The following YIPF7 variants were observed in gnomAD, a reference collection of about 807,000 sequenced individuals.
YIPF7 encodes protein YIPF7.
A neutral mutation model predicts 27.2 loss-of-function variants in YIPF7; 35 were observed. The ratio of observed to expected loss-of-function variants is 1.29; its 90% CI spans 0.98 to 1.70. YIPF7 has a LOEUF of 1.70. Ranked by LOEUF, YIPF7 falls within the 40% of genes most tolerant of loss-of-function variation. The pLI, the probability that YIPF7 is intolerant of heterozygous loss-of-function variation, is 0.00. For missense variants in YIPF7, 358 were observed against 303.7 expected (o/e 1.18, Z -1.33); for synonymous variants, 137 against 110.4 (o/e 1.24, Z -1.51).
upstream of YIPF7, among the ~76,000 whole-genome samples, chr4:44,655,292 A>T (rs746093046): frequency 1.3e-5 from 2 of 152,064 alleles, no homozygotes; most frequent in African/African-American, 4.8e-5. Flanking sequence ...TCATCACTGC[A>T]GTCCTCTGAT....
chr4:44,623,334 C>G (rs541830068), intron 5 of YIPF7, among the ~76,000 whole-genome samples: 11 of 152,236 alleles, frequency 7.2e-5, no homozygotes, highest in African/African-American at 2.4e-4. Context: ...GACATAAGAG[C>G]TGGGAGAAAT....
At chr4:44,625,143 A>G (rs900557528) in intron 4 of YIPF7, among the ~76,000 whole-genome samples, 1 of 152,220 alleles carries the variant, frequency 6.6e-6, no homozygotes, top group Non-Finnish European at 1.5e-5. Context: ...GGAATAAAAA[A>G]TCCAATTTTA....
At chr4:44,636,286 A>G (rs964916322) in intron 2 of YIPF7, among the ~76,000 whole-genome samples, 1 of 152,174 alleles carries the variant, frequency 6.6e-6, no homozygotes, top group Non-Finnish European at 1.5e-5. Flanking sequence ...AAAATAATCC[A>G]CGCCAATAAA....
At chr4:44,624,803 AAC>A in intron 4 of YIPF7, 21 bp from the exon 5 acceptor site, 3 of 1,590,708 alleles carry the variant, frequency 1.9e-6, no homozygotes, top group Non-Finnish European at 2.6e-6. Flanking sequence ...GTGAAGAAAA[AAC>A]AGTTTGAACA....
intron 5 of YIPF7, among the ~76,000 whole-genome samples, chr4:44,623,669 A>G (rs1577730763): frequency 6.6e-6 from 1 of 152,352 alleles, no homozygotes; most frequent in African/African-American, 2.4e-5. Context: ...GATTTAAATA[A>G]AACCTATTAG....
intron 2 of YIPF7, among the ~76,000 whole-genome samples, chr4:44,657,542 G>C (rs1713932002): frequency 6.6e-6 from 1 of 152,172 alleles, no homozygotes; most frequent in Non-Finnish European, 1.5e-5. Context: ...ATGCCACAAT[G>C]TGAAAAACTA....
intron 4 of YIPF7, among the ~76,000 whole-genome samples, chr4:44,625,729 A>C (rs1419042354): frequency 6.6e-6 from 1 of 152,218 alleles, no homozygotes; most frequent in Non-Finnish European, 1.5e-5. Context: ...CATTCAGAGA[A>C]CTATTACTTC....
upstream of YIPF7, among the ~76,000 whole-genome samples, chr4:44,653,537 A>G (rs927325440): frequency 6.6e-6 from 1 of 152,140 alleles, no homozygotes; most frequent in Non-Finnish European, 1.5e-5. Flanking sequence ...AGTCCAGGAA[A>G]ATGATGAGTT....
At chr4:44,628,663 G>A (rs1019248641) in intron 4 of YIPF7, among the ~76,000 whole-genome samples, 1 of 151,586 alleles carries the variant, frequency 6.6e-6, no homozygotes, top group African/African-American at 2.4e-5. Context: ...TTTTTCTTCT[G>A]CCTTTTTTTC....
In YIPF7 at chr4:44,631,934, A is replaced by T. The variant is rs191683046; in HGVS notation, c.281-2386T>A. On this transcript the variant is annotated intron_variant, in intron 3 of 5. Transcript: ENST00000415895. ...ACAATAAAATGGTATTTAATTCCAA[A>T]TACCTTTTCCTCAGAAAATATAATT... Among the ~76,000 whole-genome samples the T allele has an allele frequency of 6.6e-5, 10 of 152,286 alleles. No homozygotes were observed. The East Asian group carries it at 1.9e-3, about 29-fold the overall frequency.
chr4:44,622,689 T>C, intron 5 of YIPF7, 113 bp from the exon 6 acceptor site: 1 of 1,327,144 alleles, frequency 7.5e-7, no homozygotes, highest in Non-Finnish European at 1.0e-6. Context: ...TCCCGAGTGG[T>C]AAAATGAAAA....
At chr4:44,658,601 T>C (rs1388469854) in intron 2 of YIPF7, among the ~76,000 whole-genome samples, 1 of 152,180 alleles carries the variant, frequency 6.6e-6, no homozygotes, top group Non-Finnish European at 1.5e-5. Context: ...CCCAAAATTC[T>C]GATGTGAAAC....
intron 2 of YIPF7, among the ~76,000 whole-genome samples, chr4:44,658,420 T>C (rs567895474): frequency 6.6e-6 from 1 of 152,254 alleles, no homozygotes; most frequent in East Asian, 1.9e-4. Flanking sequence ...AGCCACCCTG[T>C]CTATGTCACT....
intron 5 of YIPF7, among the ~76,000 whole-genome samples, chr4:44,624,060 CT>C (rs1170920998): frequency 5.1e-3 from 704 of 137,042 alleles, no homozygotes; most frequent in African/African-American, 7.4e-3. Context: ...TTCTCTCTCT[CT>C]TTTTTTTTTT....
At chr4:44,651,833 C>A (rs1302235540), upstream of YIPF7, among the ~76,000 whole-genome samples, 1 of 152,112 alleles carries the variant, frequency 6.6e-6, no homozygotes, top group Non-Finnish European at 1.5e-5. Flanking sequence ...AAATACAATT[C>A]CCTTTTGTAC....
intron 3 of YIPF7, among the ~76,000 whole-genome samples, chr4:44,634,485 T>C (rs1713035690): frequency 6.6e-6 from 1 of 151,936 alleles, no homozygotes. Flanking sequence ...AGAGCTGAGA[T>C]TGGGCCACTG....
intron 4 of YIPF7, among the ~76,000 whole-genome samples, chr4:44,626,951 A>ATTT (rs35211257): frequency 7.6e-4 from 109 of 143,812 alleles, no homozygotes; most frequent in Middle Eastern, 3.6e-3. Flanking sequence ...AATTTTCTGT[A>ATTT]TTTTTTTTTT....
At chr4:44,658,118 G>C (rs1713950219) in intron 2 of YIPF7, among the ~76,000 whole-genome samples, 2 of 152,098 alleles carry the variant, frequency 1.3e-5, no homozygotes, top group African/African-American at 4.8e-5. Flanking sequence ...CCCTCCCCCT[G>C]TCCCCCTACC....
upstream of YIPF7, among the ~76,000 whole-genome samples, chr4:44,655,097 G>A (rs1312733642): frequency 6.6e-6 from 1 of 151,954 alleles, no homozygotes; most frequent in Non-Finnish European, 1.5e-5. Context: ...GCTGTGAGTT[G>A]CTCAATAGAT....
Sources: gnomAD v4.1 joint callset for allele counts (sites outside exome capture counted in the v4.1 genomes callset) on GRCh38, gnomAD v4.1.1 for gene constraint, MANE v1.5 for transcripts, NCBI Gene and HGNC (gene_info 2026-07-23, HGNC 2026-07-21) for gene names.